TACC1: variants seen among roughly 807,000 people sequenced by gnomAD.
The protein encoded by TACC1 is transforming acidic coiled-coil containing protein 1, also known as transforming acidic coiled-coil-containing protein 1.
TACC1 carries 48 observed loss-of-function variants against 84.4 expected under a neutral mutation model. That is an observed-to-expected ratio of 0.57 (90% CI 0.45 to 0.72). TACC1 has a LOEUF of 0.72. TACC1 is among the 30% of genes least tolerant of loss of function. The pLI is 0.00. For synonymous variants in TACC1, 372 were observed against 376.3 expected, an observed-to-expected ratio of 0.99 and a Z score of 0.13; for missense variants, 920 against 973.0, an observed-to-expected ratio of 0.95 and a Z score of 0.72.
chr8:38,749,200 C>T (rs1168951555), intron 3 of TACC1, among the ~76,000 whole-genome samples: 2 of 152,082 alleles, frequency 1.3e-5, no homozygotes, highest in Non-Finnish European at 2.9e-5. Flanking sequence ...CTGGGAAATA[C>T]ATAAATTATA....
intron 2 of TACC1, among the ~76,000 whole-genome samples, chr8:38,815,254 G>A (rs537157703): frequency 1.4e-4 from 21 of 152,284 alleles, no homozygotes; most frequent in African/African-American, 4.3e-4. Flanking sequence ...AAAAGGTCAC[G>A]TGTATTAAGT....
intron 1 of TACC1, 95 bp from the exon 2 acceptor site, chr8:38,788,609 A>G: frequency 1.0e-6 from 1 of 989,868 alleles, no homozygotes; most frequent in Non-Finnish European, 1.5e-6. Context: ...GTTAGACAAA[A>G]GTGCTGGACT....
At chr8:38,735,664 C>T (rs1025811358) in intron 1 of TACC1, among the ~76,000 whole-genome samples, 2 of 152,190 alleles carry the variant, frequency 1.3e-5, no homozygotes, top group Non-Finnish European at 2.9e-5. Flanking sequence ...GCATCTCCTA[C>T]AGTGGGCAGC....
chr8:38,779,422 G>T (rs1459832100), intron 3 of TACC1, among the ~76,000 whole-genome samples: 1 of 152,210 alleles, frequency 6.6e-6, no homozygotes, highest in Non-Finnish European at 1.5e-5. Context: ...TTGGGGAAGG[G>T]CACACCCTGC....
chr8:38,826,324 AAAAAAC>A (rs758109269), intron 4 of TACC1, among the ~76,000 whole-genome samples: 16 of 152,332 alleles, frequency 1.1e-4, no homozygotes, highest in Admixed American at 7.8e-4. Flanking sequence ...GGTTTTCTTT[AAAAAAC>A]AAAAACAAAA....
intron 6 of TACC1, among the ~76,000 whole-genome samples, chr8:38,834,022 G>T (rs1306370389): frequency 6.6e-6 from 1 of 152,172 alleles, no homozygotes; most frequent in East Asian, 1.9e-4. Context: ...AATGTCCAGG[G>T]GTGTATCAGC....
chr8:38,832,892 G>A (rs1433136548), intron 6 of TACC1, among the ~76,000 whole-genome samples: 1 of 152,184 alleles, frequency 6.6e-6, no homozygotes, highest in African/African-American at 2.4e-5. Context: ...GGAATCAGTG[G>A]CATCTGTGCT....
At chr8:38,843,546 TA>T in intron 11 of TACC1, 151 bp downstream of exon 11, 1 of 484,976 alleles carries the variant, frequency 2.1e-6, no homozygotes. Flanking sequence ...GTTAAAACAT[TA>T]AAAAGTAAAA....
At chr8:38,785,546 G>C, upstream of TACC1, 1 of 279,680 alleles carries the variant, frequency 3.6e-6, no homozygotes, top group Non-Finnish European at 5.4e-6. Context: ...ATGAAAGATG[G>C]GGAGTGCGGG....
intron 2 of TACC1, among the ~76,000 whole-genome samples, chr8:38,811,189 TAA>T (rs59003979): frequency 6.9e-6 from 1 of 144,614 alleles, no homozygotes; most frequent in African/African-American, 2.5e-5. Context: ...ATGGAATGAT[TAA>T]AAAAAAAAAA....
At chr8:38,826,625 A>G (rs1312062207) in intron 4 of TACC1, among the ~76,000 whole-genome samples, 1 of 152,186 alleles carries the variant, frequency 6.6e-6, no homozygotes, top group Non-Finnish European at 1.5e-5. Flanking sequence ...TGGAAGTGGG[A>G]TGGAAATACA....
intron 3 of TACC1, among the ~76,000 whole-genome samples, chr8:38,757,896 G>A (rs927323723): frequency 2.0e-5 from 3 of 152,154 alleles, no homozygotes; most frequent in African/African-American, 7.2e-5. Flanking sequence ...AGGGTTTCAT[G>A]ATGATCTCAG....
intron 2 of TACC1, among the ~76,000 whole-genome samples, chr8:38,806,825 G>A (rs751778658): frequency 6.6e-6 from 1 of 152,040 alleles, no homozygotes; most frequent in African/African-American, 2.4e-5. Flanking sequence ...TTACTTTCTC[G>A]AGTTAGCCTC....
At chr8:38,808,453 TC>T (rs1388126329) in intron 2 of TACC1, among the ~76,000 whole-genome samples, 1 of 152,180 alleles carries the variant, frequency 6.6e-6, no homozygotes, top group Admixed American at 6.5e-5. Flanking sequence ...TGCTCTGTTG[TC>T]CAGGCTGGAG....
chr8:38,785,808 T>G, upstream of TACC1: 1 of 722,362 alleles, frequency 1.4e-6, no homozygotes, highest in Non-Finnish European at 1.7e-6. Context: ...TCCTGCCTAG[T>G]TCACTTCTTT....
intron 3 of TACC1, among the ~76,000 whole-genome samples, chr8:38,822,779 G>C (rs1352656806): frequency 6.6e-6 from 1 of 151,770 alleles, no homozygotes; most frequent in East Asian, 1.9e-4. Flanking sequence ...CATTACCTAG[G>C]CCTACCCATT....
At chr8:38,781,705 C>T (rs1816032036) in intron 3 of TACC1, among the ~76,000 whole-genome samples, 1 of 152,070 alleles carries the variant, frequency 6.6e-6, no homozygotes, top group South Asian at 2.1e-4. Flanking sequence ...ACTTAAATGT[C>T]CTGAATTCCT....
rs113184721 is a variant in TACC1, at chr8:38,840,126, G to A, written c.1917-98G>A. 8.2e-3 allele frequency: 6,215 copies of A among 761,270 alleles called. 180 individuals carry two copies. Among genetic ancestry groups the A allele is most frequent in the African/African-American group, 0.074 (4,151 of 56,210 alleles). The allele number at this position is 761,270 out of a possible 1,614,324, so 47.2% of individuals were successfully genotyped here. A position where few individuals can be genotyped will look rare whatever the true frequency, so the allele number is the denominator to read the frequency against. On this transcript the variant is annotated intron_variant, in intron 8 of 12. Transcript: ENST00000317827. ...GATAAATGGATTACATACATTGTCA[G>A]TGTATGTTAATGTGTTTAATTGTTT...
Position 38,840,304 on chromosome 8 carries a change from A to G in TACC1, c.1960+37A>G, listed in dbSNP as rs371143455. ...ATTTTGTTTTTTGAGGGTATGAGCC[A>G]TAGGATCTGTCTTAGTCTGTTCAGC... On this transcript the variant is annotated intron_variant, in intron 9 of 12. Transcript: ENST00000317827. 1.7e-5 allele frequency: 27 copies of G among 1,581,570 alleles called. 1 individual carries two copies. Among genetic ancestry groups the G allele is most frequent in the Admixed American group, 1.3e-4 (8 of 59,814 alleles).
Sources: gnomAD v4.1 joint callset for allele counts (sites outside exome capture counted in the v4.1 genomes callset) on GRCh38, gnomAD v4.1.1 for gene constraint, MANE v1.5 for transcripts, NCBI Gene and HGNC (gene_info 2026-07-23, HGNC 2026-07-21) for gene names.